HDAC4: variants seen among roughly 807,000 people sequenced by gnomAD.
The protein encoded by HDAC4 is histone deacetylase A.
HDAC4 carries 16 observed loss-of-function variants against 135.1 expected under a neutral mutation model. That is an observed-to-expected ratio of 0.12 (90% CI 0.08 to 0.18). HDAC4 has a LOEUF of 0.18. HDAC4 is among the 10% of genes least tolerant of loss of function. The pLI is 1.00. For synonymous variants in HDAC4, 685 were observed against 653.4 expected (o/e 1.05, Z -0.74); for missense variants, 1,143 against 1,511.8 (o/e 0.76, Z 4.05).
intron 2 of HDAC4, among the ~76,000 whole-genome samples, chr2:239,253,360 T>C (rs1366105616): frequency 6.6e-6 from 1 of 152,254 alleles, no homozygotes; most frequent in Non-Finnish European, 1.5e-5. Flanking sequence ...CCCTGTATGC[T>C]GTTATGACCG....
intron 3 of HDAC4, among the ~76,000 whole-genome samples, chr2:239,226,410 C>T (rs754799357): frequency 1.7e-4 from 26 of 152,142 alleles, no homozygotes; most frequent in Non-Finnish European, 3.4e-4. Flanking sequence ...GCTGGGACTG[C>T]CACATAGCTT....
chr2:239,181,547 A>G lies in HDAC4; in HGVS notation c.340-4984T>C, dbSNP rs572335473. 2.0e-5 allele frequency among the ~76,000 whole-genome samples: 3 copies of G among 152,370 alleles called. No homozygotes were observed. In the South Asian group the frequency reaches 6.2e-4, roughly 32 times the overall value. On this transcript the variant is annotated intron_variant, in intron 4 of 26. Transcript: ENST00000543185. ...AAACTTAATTCCGAACAACCAACTTAAATGAACTTCTTGGGGATGGTGGGA... is the reference window on the plus strand; with the variant it reads ...AAACTTAATTCCGAACAACCAACTTGAATGAACTTCTTGGGGATGGTGGGA...
chr2:239,075,877 C>T (rs568030615), intron 22 of HDAC4, among the ~76,000 whole-genome samples: 4 of 152,082 alleles, frequency 2.6e-5, no homozygotes, highest in East Asian at 3.9e-4. Context: ...AAAGCTGGGC[C>T]GGGATAGCAG....
At chr2:239,392,470 C>T (rs1204305979) in intron 1 of HDAC4, among the ~76,000 whole-genome samples, 3 of 152,186 alleles carry the variant, frequency 2.0e-5, no homozygotes, top group Non-Finnish European at 4.4e-5. Context: ...TATGCCAGAA[C>T]CTCCCAATGG....
chr2:239,175,344 C>T (rs547086935), intron 5 of HDAC4, among the ~76,000 whole-genome samples: 8 of 152,328 alleles, frequency 5.3e-5, no homozygotes, highest in South Asian at 2.1e-4. Flanking sequence ...CCCGGGGACA[C>T]GCCAGGGCTC....
At chr2:239,227,023 C>A (rs931701038) in intron 3 of HDAC4, among the ~76,000 whole-genome samples, 2 of 152,196 alleles carry the variant, frequency 1.3e-5, no homozygotes, top group Non-Finnish European at 2.9e-5. Context: ...AGAGCAGCCA[C>A]AAAATGCTGG....
chr2:239,365,733 T>C (rs537780229), intron 1 of HDAC4, among the ~76,000 whole-genome samples: 16 of 150,154 alleles, frequency 1.1e-4, no homozygotes, highest in Middle Eastern at 3.4e-3. Flanking sequence ...CAGACCAGGG[T>C]CGTCAGGGTC....
intron 17 of HDAC4, chr2:239,094,163 T>C: frequency 1.0e-6 from 1 of 985,456 alleles, no homozygotes; most frequent in Non-Finnish European, 1.2e-6. Context: ...CTGTGGTGAT[T>C]CGCGGCACTG....
intron 11 of HDAC4, among the ~76,000 whole-genome samples, chr2:239,131,096 T>C (rs1020391749): frequency 1.3e-5 from 2 of 152,238 alleles, no homozygotes; most frequent in African/African-American, 2.4e-5. Context: ...AGTGCCGCAC[T>C]GGAGCAGCAC....
At chr2:239,358,786 T>C (rs900683817) in intron 1 of HDAC4, among the ~76,000 whole-genome samples, 2 of 152,212 alleles carry the variant, frequency 1.3e-5, no homozygotes, top group African/African-American at 4.8e-5. Flanking sequence ...CTTTTCTCAT[T>C]TGTTTAATTC....
chr2:239,291,714 G>A (rs1045404712), intron 2 of HDAC4, among the ~76,000 whole-genome samples: 4 of 152,170 alleles, frequency 2.6e-5, no homozygotes, highest in African/African-American at 4.8e-5. Flanking sequence ...CTGGCAGGTC[G>A]GGGGAAGGGC....
At chr2:239,067,745 C>G (rs1226402847) in intron 23 of HDAC4, among the ~76,000 whole-genome samples, 2 of 152,186 alleles carry the variant, frequency 1.3e-5, no homozygotes, top group African/African-American at 4.8e-5. Context: ...CCACACCCTC[C>G]CCACGCAAGG....
intron 2 of HDAC4, among the ~76,000 whole-genome samples, chr2:239,339,508 G>A (rs954492758): frequency 3.3e-5 from 5 of 152,166 alleles, no homozygotes; most frequent in African/African-American, 9.7e-5. Flanking sequence ...CATGGGTGAG[G>A]AGCACCAAAG....
At chr2:239,071,427 A>G (rs918755220) in intron 22 of HDAC4, among the ~76,000 whole-genome samples, 6 of 152,146 alleles carry the variant, frequency 3.9e-5, no homozygotes, top group African/African-American at 1.4e-4. Context: ...GAAAACAAAA[A>G]AAGACTCTCG....
At position 239,139,650 on chromosome 2, in the gene HDAC4, G is replaced by T; in HGVS notation, c.978+34C>A. On this transcript the variant is annotated intron_variant, in intron 9 of 26. Coordinates refer to ENST00000543185, the MANE Select transcript of HDAC4 (RefSeq NM_001378414.1). The surrounding 1 kb of genome is among the most constrained non-coding windows in gnomAD (Gnocchi z 5.3). ...CTCATCCGTCCCGAGTCCGACTCTAGCCGTAGGACACAGGACAAACGCTTC... is the reference window on the plus strand; with the variant it reads ...CTCATCCGTCCCGAGTCCGACTCTATCCGTAGGACACAGGACAAACGCTTC... The T allele has an allele frequency of 1.9e-6, 3 of 1,561,000 alleles. No individual in the cohort carries two copies. The highest frequency in any genetic ancestry group is 2.7e-6 in the Non-Finnish European group (3 of 1,131,564).
chr2:239,388,451 C>T (rs1405144328), intron 1 of HDAC4, among the ~76,000 whole-genome samples: 2 of 152,248 alleles, frequency 1.3e-5, no homozygotes, highest in African/African-American at 4.8e-5. Flanking sequence ...TCTCAGGCAC[C>T]TGCCCACCTC....
At chr2:239,218,291 C>T (rs1396922158) in intron 3 of HDAC4, among the ~76,000 whole-genome samples, 1 of 151,914 alleles carries the variant, frequency 6.6e-6, no homozygotes, top group East Asian at 1.9e-4. Flanking sequence ...TGGAACAGAA[C>T]AGAGCCCTCA....
intron 19 of HDAC4, among the ~76,000 whole-genome samples, chr2:239,084,731 CCA>C (rs1446259895): frequency 6.1e-5 from 9 of 148,410 alleles, no homozygotes; most frequent in Admixed American, 1.3e-4. Flanking sequence ...CATACATGCC[CCA>C]CAGATACGCC....
chr2:239,107,727 C>A (rs939042026), intron 15 of HDAC4, among the ~76,000 whole-genome samples: 6 of 152,226 alleles, frequency 3.9e-5, no homozygotes, highest in Non-Finnish European at 8.8e-5. Flanking sequence ...GGGGAAGTGA[C>A]CCGGAGGCAG....
Sources: gnomAD v4.1 joint callset for allele counts (sites outside exome capture counted in the v4.1 genomes callset) on GRCh38, gnomAD v4.1.1 for gene constraint, Gnocchi (gnomAD v3.1) non-coding constraint, MANE v1.5 for transcripts, NCBI Gene and HGNC (gene_info 2026-07-23, HGNC 2026-07-21) for gene names.